CSGALNACT2: variants seen among roughly 807,000 people sequenced by gnomAD.
CSGALNACT2 encodes the protein beta 4 GalNAcT-2.
CSGALNACT2 carries 35 observed loss-of-function variants against 55.3 expected under a neutral mutation model. That is an observed-to-expected ratio of 0.63 (90% CI 0.48 to 0.84). CSGALNACT2 has a LOEUF of 0.84. Ranked by LOEUF, CSGALNACT2 falls within the 40% of genes least tolerant of loss-of-function variation. The pLI is 0.00. For synonymous variants in CSGALNACT2, 196 were observed against 224.9 expected, an observed-to-expected ratio of 0.87 and a Z score of 1.15; for missense variants, 544 against 657.5, an observed-to-expected ratio of 0.83 and a Z score of 1.89.
chr10:43,175,883 C>A, intron 6 of CSGALNACT2, 68 bp from the exon 7 acceptor site: 1 of 1,354,924 alleles, frequency 7.4e-7, no homozygotes, highest in Non-Finnish European at 1.0e-6. Context: ...TAATTTGTTT[C>A]ATCGTTGATT....
At chr10:43,153,253 C>T (rs921148576) in intron 1 of CSGALNACT2, among the ~76,000 whole-genome samples, 6 of 144,320 alleles carry the variant, frequency 4.2e-5, no homozygotes, top group African/African-American at 1.3e-4. Context: ...GAGAATAGCG[C>T]GAACCCAGGA....
chr10:43,159,324 G>T (rs1267578387), intron 3 of CSGALNACT2, among the ~76,000 whole-genome samples: 1 of 149,424 alleles, frequency 6.7e-6, no homozygotes, highest in East Asian at 2.0e-4. Context: ...TTTGAGACAG[G>T]GTCTCACTCT....
At chr10:43,178,007 G>A (rs1163584399) in intron 7 of CSGALNACT2, among the ~76,000 whole-genome samples, 2 of 152,164 alleles carry the variant, frequency 1.3e-5, no homozygotes, top group African/African-American at 4.8e-5. Flanking sequence ...TTTTTCTTAT[G>A]ATTAATGTTG....
intron 6 of CSGALNACT2, among the ~76,000 whole-genome samples, chr10:43,168,708 A>G (rs1423774974): frequency 1.6e-4 from 22 of 141,026 alleles, no homozygotes; most frequent in Admixed American, 7.2e-5. Context: ...ACACACACAC[A>G]CGCCTCTACC....
intron 7 of CSGALNACT2, among the ~76,000 whole-genome samples, chr10:43,180,273 C>A (rs2503841): frequency 1.3e-5 from 2 of 152,126 alleles, no homozygotes; most frequent in South Asian, 4.1e-4. Context: ...GTTGTCCCAC[C>A]GTTCTTAGAT....
chr10:43,143,121 T>A (rs1457237739), intron 1 of CSGALNACT2, among the ~76,000 whole-genome samples: 1 of 152,236 alleles, frequency 6.6e-6, no homozygotes, highest in African/African-American at 2.4e-5. Context: ...TAGAAAACCA[T>A]GATGCAGATC....
intron 1 of CSGALNACT2, among the ~76,000 whole-genome samples, 171 bp from the exon 2 acceptor site, chr10:43,154,726 C>T (rs376497689): frequency 1.0e-5 from 1 of 99,890 alleles, no homozygotes; most frequent in Non-Finnish European, 2.1e-5. Context: ...GACTCCATCT[C>T]AAAAAAAAAA....
Position 43,155,306 on chromosome 10 carries a change from G to T in CSGALNACT2, c.157G>T (p.Gly53Cys). The change falls in exon 2 of 8, where the codon GGT (glycine) becomes TGT (cysteine). Residue 53 changes from glycine to cysteine, a missense_variant. Physicochemically the swap from Gly to Cys is radical, Grantham distance 159. This residue lies in a region of CSGALNACT2 where 374 missense variants were observed against 401.3 expected (regional missense o/e 0.93). Coordinates refer to ENST00000374466, the MANE Select transcript of CSGALNACT2 (RefSeq NM_018590.5). The stretch of plus-strand genomic sequence containing the variant: ...TCCTGGTGTTGTTGGGGAAAATTAT[G>T]GTAAAGAGTATTATCAAGCCCTCCT... ...SLPGVVGENY[G>C]KEYYQALLQE... 1 of 1,614,024 alleles carries T rather than the reference G, an allele frequency of 6.2e-7. No homozygotes were observed. The highest frequency in any genetic ancestry group is 8.5e-7 in the Non-Finnish European group (1 of 1,180,014).
chr10:43,173,730 C>T (rs932225068), intron 6 of CSGALNACT2, among the ~76,000 whole-genome samples: 14 of 152,112 alleles, frequency 9.2e-5, no homozygotes, highest in African/African-American at 2.9e-4. Context: ...TGGTGGCTCA[C>T]ACGTGTAATC....
chr10:43,174,971 A>G (rs565987487), intron 6 of CSGALNACT2, among the ~76,000 whole-genome samples: 141 of 152,334 alleles, frequency 9.3e-4, no homozygotes, highest in African/African-American at 3.2e-3. Flanking sequence ...AGTGTCATCA[A>G]TGCCCTGGTT....
intron 3 of CSGALNACT2, 69 bp from the exon 4 acceptor site, chr10:43,160,425 G>A (rs1839118557): frequency 3.9e-6 from 3 of 774,530 alleles, no homozygotes; most frequent in Non-Finnish European, 6.7e-6. Context: ...AAAGCTTCAT[G>A]TGGTTGCTTT....
chr10:43,165,084 T>C (rs1232109351), intron 5 of CSGALNACT2, among the ~76,000 whole-genome samples: 2 of 151,620 alleles, frequency 1.3e-5, no homozygotes, highest in Non-Finnish European at 2.9e-5. Context: ...AATTATCCGG[T>C]CGTGGTGGTG....
At chr10:43,149,969 A>G (rs910310637) in intron 1 of CSGALNACT2, among the ~76,000 whole-genome samples, 3 of 152,158 alleles carry the variant, frequency 2.0e-5, no homozygotes, top group African/African-American at 7.2e-5. Context: ...CGGCAGGCTG[A>G]GGCAGGAGAA....
At chr10:43,154,395 G>A (rs1258792568) in intron 1 of CSGALNACT2, among the ~76,000 whole-genome samples, 3 of 152,174 alleles carry the variant, frequency 2.0e-5, no homozygotes, top group Non-Finnish European at 4.4e-5. Flanking sequence ...AGACATAATA[G>A]TTAAAAGTAT....
intron 1 of CSGALNACT2, among the ~76,000 whole-genome samples, chr10:43,154,639 A>T (rs971909567): frequency 6.6e-6 from 1 of 151,966 alleles, no homozygotes; most frequent in African/African-American, 2.4e-5. Flanking sequence ...AGATGGAAGG[A>T]TCACTTGAAC....
intron 7 of CSGALNACT2, among the ~76,000 whole-genome samples, chr10:43,182,332 C>T (rs1172817050): frequency 2.0e-5 from 3 of 152,182 alleles, no homozygotes; most frequent in Non-Finnish European, 4.4e-5. Flanking sequence ...TTTTCTCCCT[C>T]ACCTGGGGCC....
intron 6 of CSGALNACT2, among the ~76,000 whole-genome samples, chr10:43,169,449 T>A (rs1156422561): frequency 6.6e-6 from 1 of 152,192 alleles, no homozygotes; most frequent in Non-Finnish European, 1.5e-5. Context: ...AAAACAGGAT[T>A]TGTTGCTTTA....
intron 6 of CSGALNACT2, among the ~76,000 whole-genome samples, chr10:43,174,408 G>C (rs7074319): frequency 0.17 from 26,372 of 152,072 alleles, 2,525 homozygotes; most frequent in Admixed American, 0.25. Context: ...AGGAATTTCT[G>C]TGTAGGTGCC....
chr10:43,143,094 TTGTC>T (rs1283197176), intron 1 of CSGALNACT2, among the ~76,000 whole-genome samples: 1 of 152,208 alleles, frequency 6.6e-6, no homozygotes, highest in Non-Finnish European at 1.5e-5. Context: ...ATTATGGAAT[TTGTC>T]TGTAATGAAG....
Sources: gnomAD v4.1 joint callset for allele counts (sites outside exome capture counted in the v4.1 genomes callset) on GRCh38, gnomAD v4.1.1 for gene constraint, gnomAD v4.1.1 regional missense constraint, MANE v1.5 for transcripts, NCBI Gene and HGNC (gene_info 2026-07-23, HGNC 2026-07-21) for gene names.